NHS: variants seen among roughly 807,000 people sequenced by gnomAD.
The protein encoded by NHS is actin remodeling regulator NHS.
Under a neutral mutation model 72.5 loss-of-function variants are expected in NHS, and 5 were observed. The observed-to-expected ratio is 0.07, with a 90% confidence interval of 0.04 to 0.14. NHS has a LOEUF of 0.14. Ranked by LOEUF, NHS falls within the 10% of genes least tolerant of loss-of-function variation. NHS has a pLI of 1.00. For missense variants in NHS, 1,072 were observed against 1,355.7 expected (o/e 0.79, Z 3.29); for synonymous variants, 464 against 547.7 (o/e 0.85, Z 2.13).
intron 1 of NHS, chrX:17,552,397 A>G (rs1043524377): frequency 8.9e-6 from 1 of 112,076 alleles, no homozygotes; most frequent in African/African-American, 3.2e-5. Context: ...CACAAGGTCT[A>G]GAGATAGGAG....
chrX:17,635,362 C>T, intron 1 of NHS: 4 of 1,118,634 alleles, frequency 3.6e-6, no homozygotes, highest in South Asian at 4.4e-5. Context: ...GACCATCTCC[C>T]CCTCCAGGGG....
chrX:17,633,351 G>C (rs2065829303), intron 1 of NHS, among the ~76,000 whole-genome samples: 1 of 111,542 alleles, frequency 9.0e-6, no homozygotes, highest in South Asian at 3.8e-4. Context: ...ATGGGAATAG[G>C]GCTGCTGGCC....
chrX:17,477,227 GA>G (rs1180358025), intron 1 of NHS, among the ~76,000 whole-genome samples: 1 of 111,843 alleles, frequency 8.9e-6, no homozygotes, highest in East Asian at 2.8e-4. Context: ...AGCAATCAAG[GA>G]AAGCCTCACG....
At chrX:17,587,009 G>A (rs148015236) in intron 1 of NHS, 1 of 112,199 alleles carries the variant, frequency 8.9e-6, no homozygotes, top group African/African-American at 3.2e-5. Flanking sequence ...CAATACCTGG[G>A]ACAATGCTGA....
intron 1 of NHS, among the ~76,000 whole-genome samples, chrX:17,451,824 C>T (rs896969277): frequency 1.8e-5 from 2 of 111,930 alleles, no homozygotes; most frequent in Admixed American, 9.5e-5. Flanking sequence ...ATTGCTTTAA[C>T]ATATGTTGTA....
intron 1 of NHS, among the ~76,000 whole-genome samples, chrX:17,544,567 A>G (rs1401755414): frequency 8.9e-6 from 1 of 111,767 alleles, no homozygotes; most frequent in East Asian, 2.8e-4. Context: ...GCTGGAGTGC[A>G]GTGGCGCGAT....
intron 1 of NHS, among the ~76,000 whole-genome samples, chrX:17,489,882 C>T (rs1036339698): frequency 5.4e-5 from 6 of 111,960 alleles, no homozygotes; most frequent in East Asian, 2.8e-4. Context: ...TAACCAGTGA[C>T]GATGAGCTTT....
chrX:17,521,429 T>C (rs1194374778), intron 1 of NHS, among the ~76,000 whole-genome samples: 1 of 108,248 alleles, frequency 9.2e-6, no homozygotes, highest in Non-Finnish European at 1.9e-5. Context: ...TGGCATGATC[T>C]TGGGTCACTG....
intron 1 of NHS, among the ~76,000 whole-genome samples, chrX:17,645,082 A>C (rs1318671068): frequency 1.8e-5 from 2 of 112,109 alleles, no homozygotes; most frequent in Non-Finnish European, 1.9e-5. Flanking sequence ...AATCAGTGTC[A>C]TTAATCTTCA....
intron 1 of NHS, among the ~76,000 whole-genome samples, chrX:17,646,558 T>C (rs2065906762): frequency 9.0e-6 from 1 of 111,552 alleles, no homozygotes; most frequent in African/African-American, 3.3e-5. Flanking sequence ...TCTCCTCTGC[T>C]CTGGAAATGT....
intron 1 of NHS, among the ~76,000 whole-genome samples, chrX:17,515,436 T>C: frequency 8.9e-6 from 1 of 112,489 alleles, no homozygotes; most frequent in East Asian, 2.8e-4. Context: ...AAGGAATATT[T>C]ATCTGTTTTA....
intron 6 of NHS, 41 bp from the exon 7 acceptor site, chrX:17,725,305 CT>C (rs767006282): frequency 8.7e-7 from 1 of 1,150,144 alleles, no homozygotes; most frequent in South Asian, 1.8e-5. Context: ...TGTTGGTCTG[CT>C]GATATAGAAA....
intron 1 of NHS, among the ~76,000 whole-genome samples, chrX:17,407,679 C>T (rs754101297): frequency 1.8e-4 from 20 of 111,815 alleles, no homozygotes; most frequent in Non-Finnish European, 3.4e-4. Flanking sequence ...TGATCACTTA[C>T]TTTGAATTGC....
chrX:17,435,713 T>C (rs989646957), intron 1 of NHS, among the ~76,000 whole-genome samples: 1 of 112,947 alleles, frequency 8.9e-6, no homozygotes, highest in African/African-American at 3.2e-5. Flanking sequence ...ATCAGAATTG[T>C]CAGCTTATGG....
At chrX:17,517,868 C>T (rs1165453134) in intron 1 of NHS, among the ~76,000 whole-genome samples, 3 of 111,620 alleles carry the variant, frequency 2.7e-5, no homozygotes, top group Non-Finnish European at 5.6e-5. Flanking sequence ...GTCTCCATTC[C>T]TCCCTCCTGA....
At chrX:17,518,733 C>G (rs2065132792) in intron 1 of NHS, among the ~76,000 whole-genome samples, 1 of 111,928 alleles carries the variant, frequency 8.9e-6, no homozygotes. Context: ...TCAAATTTGG[C>G]TGCACACCAG....
intron 1 of NHS, among the ~76,000 whole-genome samples, chrX:17,657,246 G>A (rs2065961241): frequency 8.9e-6 from 1 of 112,907 alleles, no homozygotes; most frequent in African/African-American, 3.2e-5. Flanking sequence ...ACCCCCCTGC[G>A]GGGAAGACTC....
intron 1 of NHS, among the ~76,000 whole-genome samples, chrX:17,507,320 T>C (rs1383719567): frequency 1.8e-5 from 2 of 112,289 alleles, no homozygotes; most frequent in Non-Finnish European, 3.8e-5. Context: ...GGGGTATTTC[T>C]GTGGTGAGAT....
chrX:17,463,558 GATATT>G (rs1049088012), intron 1 of NHS, among the ~76,000 whole-genome samples: 7 of 111,544 alleles, frequency 6.3e-5, no homozygotes, highest in Admixed American at 4.8e-4. Context: ...TATTGAAACT[GATATT>G]CCAGGGTTGC....
Sources: gnomAD v4.1 joint callset for allele counts (sites outside exome capture counted in the v4.1 genomes callset) on GRCh38, gnomAD v4.1.1 for gene constraint, MANE v1.5 for transcripts, NCBI Gene and HGNC (gene_info 2026-07-23, HGNC 2026-07-21) for gene names.